The following MYO7A variants were observed in gnomAD, a reference collection of about 807,000 sequenced individuals.
MYO7A encodes the protein myosin VIIA, also known as unconventional myosin-VIIa.
Under a neutral mutation model 263.8 loss-of-function variants are expected in MYO7A, and 210 were observed. That is an observed-to-expected ratio of 0.80 (90% CI 0.71 to 0.89). The LOEUF (loss-of-function observed/expected upper bound fraction) is 0.89. Among genes scored for constraint, MYO7A ranks in the 40% least tolerant of loss-of-function variants. MYO7A has a pLI of 0.00. For missense variants in MYO7A, 2,820 were observed against 2,968.3 expected (o/e 0.95, Z 1.16); for synonymous variants, 1,239 against 1,197.3 (o/e 1.03, Z -0.72).
In MYO7A at chr11:77,162,913, A is replaced by T. The variant is rs781794387; in HGVS notation, c.1615A>T (p.Ile539Phe). The T allele has an allele frequency of 4.0e-5, 65 of 1,613,578 alleles. No homozygotes were observed. The highest frequency in any genetic ancestry group is 5.3e-5 in the Non-Finnish European group (63 of 1,179,842). ...NSQHKLNANYIPPKNNHETQF... is the reference protein window; with the variant it reads ...NSQHKLNANYFPPKNNHETQF... Reference sequence around the variant, plus strand: ...CCAGCACAAGCTCAACGCCAACTACATCCCCCCCAAGAACAACCATGAGAC... The same window carrying T: ...CCAGCACAAGCTCAACGCCAACTACTTCCCCCCCAAGAACAACCATGAGAC... The change falls in exon 14 of 49, where the codon ATC (isoleucine) becomes TTC (phenylalanine). Residue 539 changes from isoleucine to phenylalanine, a missense_variant. Physicochemically the swap from Ile to Phe is conservative, Grantham distance 21. Coordinates refer to ENST00000409709, the MANE Select transcript of MYO7A (RefSeq NM_000260.4).
intron 15 of MYO7A, among the ~76,000 whole-genome samples, chr11:77,166,639 A>AT (rs1170780100): frequency 6.6e-6 from 1 of 151,916 alleles, no homozygotes; most frequent in Admixed American, 6.5e-5. Context: ...GGTCTAGTGG[A>AT]TTTTTTCCTG....
intron 41 of MYO7A, 92 bp from the exon 42 acceptor site, chr11:77,207,197 G>T (rs758842168): frequency 7.4e-6 from 6 of 809,752 alleles, no homozygotes; most frequent in Non-Finnish European, 9.9e-6. Flanking sequence ...CACGGGAGGG[G>T]GCTCAGTATA....
intron 3 of MYO7A, 78 bp downstream of exon 3, chr11:77,142,900 T>C: frequency 8.1e-7 from 1 of 1,227,230 alleles, no homozygotes; most frequent in African/African-American, 1.5e-5. Context: ...TGCAGGGAGA[T>C]GATCGAAAGG....
intron 2 of MYO7A, among the ~76,000 whole-genome samples, chr11:77,131,969 C>T (rs1231201748): frequency 6.6e-6 from 1 of 152,208 alleles, no homozygotes; most frequent in Non-Finnish European, 1.5e-5. Context: ...GCCTCAGTTT[C>T]CTCATATGTA....
chr11:77,172,723 C>T (rs1555076875), intron 15 of MYO7A, 25 bp from the exon 16 acceptor site: 1 of 1,548,474 alleles, frequency 6.5e-7, no homozygotes, highest in East Asian at 2.4e-5. Context: ...ACAGCCCCTC[C>T]CATCGCTGCC....
intron 35 of MYO7A, among the ~76,000 whole-genome samples, chr11:77,200,847 G>GT (rs1957013955): frequency 6.6e-6 from 1 of 152,202 alleles, no homozygotes; most frequent in African/African-American, 2.4e-5. Flanking sequence ...GATAACAGCA[G>GT]TAACAACTAC....
In MYO7A at chr11:77,147,751, G is replaced by C. The variant is rs373994804; in HGVS notation, c.133-47G>C. On this transcript the variant is annotated intron_variant, in intron 3 of 48. Coordinates refer to ENST00000409709, the MANE Select transcript of MYO7A (RefSeq NM_000260.4). ...GTCCCGGCCCCTTCCCCTGAAGTGC[G>C]CAGCCTGGGCCCCAGGAGAGCACGC... 1.7e-4 allele frequency: 278 copies of C among 1,594,658 alleles called. 3 individuals carry two copies. The highest frequency in any genetic ancestry group is 1.6e-3 in the South Asian group (139 of 87,378).
chr11:77,207,524 A>G (rs560913210), intron 42 of MYO7A, 122 bp downstream of exon 42: 2 of 747,150 alleles, frequency 2.7e-6, no homozygotes, highest in Admixed American at 2.1e-5. Flanking sequence ...GCATCTGGCC[A>G]TCTTCTTCCA....
At chr11:77,155,480 G>A (rs1952364356) in intron 4 of MYO7A, among the ~76,000 whole-genome samples, 1 of 152,302 alleles carries the variant, frequency 6.6e-6, no homozygotes, top group East Asian at 1.9e-4. Flanking sequence ...CCTCCCTCTG[G>A]ACATGGTCCC....
intron 46 of MYO7A, chr11:77,212,216 C>G (rs1957937237): frequency 7.0e-6 from 4 of 567,818 alleles, no homozygotes; most frequent in African/African-American, 5.6e-5. Context: ...CTGGGGAGCC[C>G]TCGCCCAGGT....
chr11:77,211,418 G>A (rs1957863123), intron 45 of MYO7A, 81 bp downstream of exon 45: 1 of 1,424,260 alleles, frequency 7.0e-7, no homozygotes, highest in African/African-American at 1.4e-5. Flanking sequence ...GGCAGACACT[G>A]GCCAGCAGCC....
intron 8 of MYO7A, 71 bp downstream of exon 8, chr11:77,157,463 C>A: frequency 1.8e-6 from 2 of 1,087,328 alleles, no homozygotes; most frequent in South Asian, 1.4e-5. Context: ...CTACTGCAGA[C>A]TCAGCCTTGA....
chr11:77,190,578 T>TGCTGGGCCTGGAGC, intron 29 of MYO7A, 119 bp from the exon 30 acceptor site: 1 of 1,049,176 alleles, frequency 9.5e-7, no homozygotes, highest in Non-Finnish European at 1.4e-6. Context: ...CCCAGTGAGG[T>TGCTGGGCCTGGAGC]ACTGGGGCCT....
chr11:77,156,148 T>C lies in MYO7A; in HGVS notation c.470+57T>C. On this transcript the variant is annotated intron_variant, in intron 5 of 48. Transcript: ENST00000409709. ...GGCTTAGGACCTAGAGCTCCAACTGTGCGCTCCTGCTGATACCTCTAGGAA... is the reference window on the plus strand; with the variant it reads ...GGCTTAGGACCTAGAGCTCCAACTGCGCGCTCCTGCTGATACCTCTAGGAA... 3 of 1,575,978 alleles carry C rather than the reference T, an allele frequency of 1.9e-6. No homozygotes were observed. The South Asian group carries it at 3.4e-5, about 18-fold the overall frequency.
intron 31 of MYO7A, among the ~76,000 whole-genome samples, chr11:77,193,694 C>A (rs1386057137): frequency 6.6e-6 from 1 of 152,132 alleles, no homozygotes; most frequent in African/African-American, 2.4e-5. Context: ...ATATCTATTG[C>A]CTCCAAGGCC....
chr11:77,159,659 GC>G, intron 10 of MYO7A, 136 bp downstream of exon 10: 2 of 849,096 alleles, frequency 2.4e-6, no homozygotes, highest in East Asian at 5.2e-5. Context: ...ATATGGAGAA[GC>G]AACCATGTGC....
At chr11:77,164,543 C>T (rs1397796346) in intron 14 of MYO7A, among the ~76,000 whole-genome samples, 11 of 152,192 alleles carry the variant, frequency 7.2e-5, no homozygotes, top group African/African-American at 1.4e-4. Flanking sequence ...AATCTGATGG[C>T]GGCTCAGATT....
Position 77,199,551 on chromosome 11 carries a change from C to G in MYO7A, c.4585C>G (p.Leu1529Val). The G allele has an allele frequency of 6.6e-7, 1 of 1,508,386 alleles. No homozygotes were observed. Among genetic ancestry groups the G allele is most frequent in the Non-Finnish European group, 8.9e-7 (1 of 1,121,748 alleles). The allele number at this position is 1,508,386 out of a possible 1,614,324, so 93.4% of individuals were successfully genotyped here. Reference sequence around the variant, plus strand: ...CTCCTTCAGGGAGTGCCGTGTCTGGCTCTCACTGGGCTGCTCTGATCTTGG... The same window carrying G: ...CTCCTTCAGGGAGTGCCGTGTCTGGGTCTCACTGGGCTGCTCTGATCTTGG... ...VSSSRECRVW[L>V]SLGCSDLGCA... Residue 1529 changes from leucine to valine, a missense_variant, in exon 35 of 49, where the codon CTC becomes GTC. Transcript: ENST00000409709.
chr11:77,197,405 A>G lies in MYO7A; in HGVS notation c.4324-76A>G, dbSNP rs1956743668. The G allele has an allele frequency of 3.4e-6, 4 of 1,182,448 alleles. No individual in the cohort carries two copies. In the South Asian group the frequency reaches 4.5e-5, roughly 13 times the overall value. 73.2% of individuals were successfully genotyped at this position (1,182,448 alleles called of 1,614,324 possible). A position where few individuals can be genotyped will look rare whatever the true frequency, so the allele number is the denominator to read the frequency against. The stretch of plus-strand genomic sequence containing the variant: ...GAGCCCCAGGCTGCTCCTGGCTAGA[A>G]GGCAGCAGCAGCTGATTTTTAGAGC... On this transcript the variant is annotated intron_variant, in intron 32 of 48. Coordinates refer to ENST00000409709, the MANE Select transcript of MYO7A (RefSeq NM_000260.4).
Sources: allele counts gnomAD v4.1 joint callset (sites outside exome capture counted in the v4.1 genomes callset), GRCh38; gene constraint gnomAD v4.1.1; transcripts MANE v1.5; gene names NCBI Gene and HGNC (gene_info 2026-07-23, HGNC 2026-07-21).